EDAR: variants seen among roughly 807,000 people sequenced by gnomAD.
EDAR encodes ectodysplasin A receptor.
In EDAR, 38 loss-of-function variants were observed where a neutral mutation model predicts 51.3. The observed-to-expected ratio is 0.74, with a 90% CI of 0.57 to 0.97. The LOEUF (loss-of-function observed/expected upper bound fraction) is 0.97, where lower values mean the gene tolerates loss of function less well. EDAR is among the 50% of genes least tolerant of loss of function. EDAR has a pLI of 0.00. For missense variants in EDAR, 528 were observed against 595.0 expected, an observed-to-expected ratio of 0.89 and a Z score of 1.17; for synonymous variants, 227 against 242.1, an observed-to-expected ratio of 0.94 and a Z score of 0.58.
At chr2:108,950,356 T>C (rs1045849370) in intron 1 of EDAR, among the ~76,000 whole-genome samples, 1 of 151,976 alleles carries the variant, frequency 6.6e-6, no homozygotes, top group Admixed American at 6.6e-5. Flanking sequence ...GCTCGAATGA[T>C]CCTCCCGCCT....
rs190977983 is a variant in EDAR at position 108,924,507 on chromosome 2, A to C, written c.357-1054T>G. ...AACACTTTCCCTATTGCGATTCAAG[A>C]ACTGGGATGAGAAGGAATATTTCCA... On this transcript the variant is annotated intron_variant, in intron 4 of 11. Coordinates refer to ENST00000258443, the MANE Select transcript of EDAR (RefSeq NM_022336.4). Among the ~76,000 whole-genome samples the C allele has an allele frequency of 2.0e-5, 3 of 152,340 alleles. No individual in the cohort carries two copies. The East Asian group carries it at 5.8e-4, about 29-fold the overall frequency.
intron 6 of EDAR, among the ~76,000 whole-genome samples, chr2:108,911,580 C>A (rs1696929817): frequency 6.6e-6 from 1 of 152,204 alleles, no homozygotes; most frequent in African/African-American, 2.4e-5. Context: ...GCTGGGCCAC[C>A]TATTCCACCT....
intron 10 of EDAR, 50 bp downstream of exon 10, chr2:108,907,810 G>A (rs1558799930): frequency 5.0e-6 from 8 of 1,608,340 alleles, no homozygotes; most frequent in Middle Eastern, 3.3e-4. Context: ...TCTTGCGGCT[G>A]TGAGGGAGCC....
chr2:108,975,285 G>C (rs78783364), intron 1 of EDAR, among the ~76,000 whole-genome samples: 4,290 of 152,246 alleles, frequency 0.028, 178 homozygotes, highest in African/African-American at 0.085. Flanking sequence ...ATCCCCTGCC[G>C]GCCACCATGC....
intron 1 of EDAR, among the ~76,000 whole-genome samples, chr2:108,943,268 G>A (rs1367850385): frequency 5.3e-5 from 8 of 152,190 alleles, no homozygotes. Context: ...CACCTGAGAC[G>A]GGTCTGCTCC....
At position 108,896,860 on chromosome 2, in the gene EDAR, G is replaced by A. The variant is rs111591018; in HGVS notation, c.*47C>T. ...CACCACTCACAGCTCCAGAGCCCTC[G>A]TTGGCTCCTTGGCTTGTCCTGGGAG... On this transcript the variant is annotated 3_prime_UTR_variant, in exon 12 of 12. Transcript: ENST00000258443. 46 of 1,574,006 alleles carry A rather than the reference G, an allele frequency of 2.9e-5. 1 individual carries two copies. The highest frequency in any genetic ancestry group is 1.9e-4 in the African/African-American group (14 of 74,218).
At position 108,923,430 on chromosome 2, in the gene EDAR, G is replaced by A. The variant is rs757595565; in HGVS notation, c.380C>T (p.Pro127Leu). Reference protein sequence around the residue: ...LPGYYMLENRPRNIYGMVCYS... With the variant: ...LPGYYMLENRLRNIYGMVCYS... ...GCAGACCATGCCATAGATGTTCCTC[G>A]GTCTGTTCTCCAGCATGTAGTAGCT... The change falls in exon 5 of 12, where the codon CCG (proline) becomes CTG (leucine). Residue 127 changes from proline to leucine, a missense_variant. Transcript: ENST00000258443. 6.2e-6 allele frequency: 10 copies of A among 1,614,144 alleles called. No homozygotes were observed. Among genetic ancestry groups the A allele is most frequent in the East Asian group, 2.2e-5 (1 of 44,890 alleles).
intron 1 of EDAR, among the ~76,000 whole-genome samples, chr2:108,950,203 ACCTC>A (rs1356572893): frequency 0.012 from 1,348 of 112,622 alleles, 17 homozygotes; most frequent in South Asian, 0.041. Flanking sequence ...TTCCCTCCCT[ACCTC>A]CCTCCCTCCC....
chr2:108,925,187 G>A (rs961118759), intron 4 of EDAR, among the ~76,000 whole-genome samples: 1 of 152,224 alleles, frequency 6.6e-6, no homozygotes, highest in African/African-American at 2.4e-5. Context: ...CCTTGTTCAC[G>A]TCTCTATTCC....
intron 6 of EDAR, among the ~76,000 whole-genome samples, chr2:108,912,437 C>T (rs1288891334): frequency 6.6e-6 from 1 of 152,192 alleles, no homozygotes; most frequent in East Asian, 1.9e-4. Context: ...CCGCTATGCC[C>T]CCGCCTTCAC....
chr2:108,900,560 G>GAAAAAAAA (rs777541119), intron 11 of EDAR, among the ~76,000 whole-genome samples: 1 of 43,462 alleles, frequency 2.3e-5, no homozygotes. Flanking sequence ...CAAAAAAAAA[G>GAAAAAAAA]AAAAAAAAAA....
intron 11 of EDAR, among the ~76,000 whole-genome samples, chr2:108,900,515 T>C (rs1264187460): frequency 6.6e-6 from 1 of 150,538 alleles, no homozygotes; most frequent in Non-Finnish European, 1.5e-5. Flanking sequence ...GATCATGCCA[T>C]TGCACTCCAG....
intron 1 of EDAR, among the ~76,000 whole-genome samples, chr2:108,947,397 G>A (rs769982780): frequency 1.8e-4 from 28 of 152,154 alleles, no homozygotes; most frequent in Non-Finnish European, 2.8e-4. Flanking sequence ...GGTGGTGCTC[G>A]TCTCACAGCT....
intron 1 of EDAR, among the ~76,000 whole-genome samples, chr2:108,988,323 G>A (rs559494583): frequency 2.0e-5 from 3 of 152,170 alleles, no homozygotes; most frequent in Admixed American, 6.5e-5. Context: ...AATCAGAGCC[G>A]ACTCCTGTCT....
At chr2:108,909,167 CCT>C (rs913787187) in intron 9 of EDAR, among the ~76,000 whole-genome samples, 24 of 152,154 alleles carry the variant, frequency 1.6e-4, no homozygotes, top group African/African-American at 5.5e-4. Context: ...CCAAATTTTC[CCT>C]GTCTTCAACT....
At position 108,929,355 on chromosome 2, in the gene EDAR, C is replaced by T. The variant is rs1268082764; in HGVS notation, c.199G>A (p.Glu67Lys). 1.2e-6 allele frequency: 2 copies of T among 1,614,012 alleles called. No individual in the cohort carries two copies. The highest frequency in any genetic ancestry group is 1.1e-5 in the South Asian group (1 of 91,092). The change falls in exon 4 of 12, where the codon GAG becomes AAG. Residue 67 changes from glutamate (E) to lysine (K), a missense_variant. By Grantham distance (56) the Glu-to-Lys change is moderately conservative (BLOSUM62 1). Coordinates refer to ENST00000258443, the MANE Select transcript of EDAR (RefSeq NM_022336.4). ...GGGCAGGGGACGCAGCCGTAGTCCT[C>T]GTCTTTGGTGCCGTAGCCACAGGAC... ...YLSCGYGTKD[E>K]DYGCVPCPAE...
chr2:108,984,470 C>A (rs779232202), intron 1 of EDAR, among the ~76,000 whole-genome samples: 4 of 152,170 alleles, frequency 2.6e-5, no homozygotes, highest in African/African-American at 9.7e-5. Context: ...CTCCTCTCCT[C>A]TCCTTCTGTT....
intron 2 of EDAR, 24 bp downstream of exon 2, chr2:108,930,940 G>C (rs762721979): frequency 4.3e-6 from 7 of 1,613,062 alleles, no homozygotes; most frequent in Non-Finnish European, 5.9e-6. Context: ...GGTGCTGTGG[G>C]GGTAAGGGGC....
At chr2:108,908,203 G>T (rs535649166) in intron 9 of EDAR, among the ~76,000 whole-genome samples, 184 bp from the exon 10 acceptor site, 3 of 152,182 alleles carry the variant, frequency 2.0e-5, no homozygotes, top group African/African-American at 7.2e-5. Context: ...GACATACACC[G>T]GTGGCTTCCT....
Sources: gnomAD v4.1 joint callset for allele counts (sites outside exome capture counted in the v4.1 genomes callset) on GRCh38, gnomAD v4.1.1 for gene constraint, MANE v1.5 for transcripts, NCBI Gene and HGNC (gene_info 2026-07-23, HGNC 2026-07-21) for gene names.